SOHLH2: variants seen among roughly 807,000 people sequenced by gnomAD.
SOHLH2 encodes the protein spermatogenesis and oogenesis specific basic helix-loop-helix 2.
In SOHLH2, 22 loss-of-function variants were observed where a neutral mutation model predicts 50.4. The observed-to-expected ratio is 0.44, with a 90% CI of 0.31 to 0.62. SOHLH2 has a LOEUF of 0.62. SOHLH2 is among the 20% of genes least tolerant of loss of function. SOHLH2 has a pLI of 0.08. For synonymous variants in SOHLH2, 185 were observed against 187.3 expected (o/e 0.99, Z 0.10); for missense variants, 412 against 504.4 (o/e 0.82, Z 1.76).
At chr13:36,203,095 A>G (rs1001669495) in intron 1 of SOHLH2, among the ~76,000 whole-genome samples, 1 of 152,116 alleles carries the variant, frequency 6.6e-6, no homozygotes, top group Non-Finnish European at 1.5e-5. Context: ...AAAATAGTCA[A>G]CCTTCCTTTA....
intron 9 of SOHLH2, among the ~76,000 whole-genome samples, chr13:36,172,544 C>T (rs372079047): frequency 1.3e-5 from 2 of 152,202 alleles, no homozygotes; most frequent in Admixed American, 6.5e-5. Context: ...CCATGGCTTC[C>T]GCCACATCCC....
chr13:36,197,701 A>C (rs1291746700), intron 2 of SOHLH2, among the ~76,000 whole-genome samples: 1 of 152,168 alleles, frequency 6.6e-6, no homozygotes, highest in African/African-American at 2.4e-5. Flanking sequence ...ACTTGTAACA[A>C]ATAATGTTCT....
intron 1 of SOHLH2, among the ~76,000 whole-genome samples, chr13:36,205,209 G>A (rs182187413): frequency 7.2e-5 from 11 of 152,162 alleles, no homozygotes; most frequent in Admixed American, 3.9e-4. Context: ...CAATCCTACC[G>A]CCTTCAAAAA....
chr13:36,191,707 C>A, intron 5 of SOHLH2, 88 bp downstream of exon 5: 1 of 1,506,576 alleles, frequency 6.6e-7, no homozygotes, highest in Non-Finnish European at 9.1e-7. Context: ...TTAAGTACAG[C>A]AAATGCTGCA....
At chr13:36,171,315 T>C (rs1382697236) in intron 9 of SOHLH2, among the ~76,000 whole-genome samples, 2 of 152,172 alleles carry the variant, frequency 1.3e-5, no homozygotes, top group Non-Finnish European at 2.9e-5. Context: ...TCTGAAATGT[T>C]TGTGGAAAAA....
At chr13:36,178,805 A>G (rs1039134250) in intron 6 of SOHLH2, among the ~76,000 whole-genome samples, 2 of 150,142 alleles carry the variant, frequency 1.3e-5, no homozygotes, top group African/African-American at 4.9e-5. Flanking sequence ...TGAATGATCA[A>G]TGTACAGATC....
intron 2 of SOHLH2, among the ~76,000 whole-genome samples, chr13:36,197,412 T>A (rs2138309575): frequency 6.6e-6 from 1 of 152,202 alleles, no homozygotes; most frequent in South Asian, 2.1e-4. Context: ...AAAACAAAGA[T>A]CATATACAAG....
intron 2 of SOHLH2, among the ~76,000 whole-genome samples, chr13:36,198,571 C>T (rs1045429285): frequency 5.3e-5 from 8 of 152,220 alleles, no homozygotes; most frequent in Non-Finnish European, 7.4e-5. Flanking sequence ...CTATCAGGAA[C>T]GTTAACCTAT....
chr13:36,201,733 G>T, intron 2 of SOHLH2, 146 bp downstream of exon 2: 4 of 1,254,736 alleles, frequency 3.2e-6, no homozygotes, highest in Non-Finnish European at 4.3e-6. Context: ...GCCTCTCAAA[G>T]TGCCAGGATT....
chr13:36,202,129 T>C, intron 1 of SOHLH2, 36 bp from the exon 2 acceptor site: 1 of 1,610,264 alleles, frequency 6.2e-7, no homozygotes. Flanking sequence ...CACATAATTA[T>C]TGCCTAGGCA....
rs1886879738 is a variant in SOHLH2, at chr13:36,168,480, A to G, written c.*554T>C. 1 of 152,494 alleles carries G rather than the reference A, an allele frequency of 6.6e-6. No individual in the cohort carries two copies. Among genetic ancestry groups the G allele is most frequent in the Non-Finnish European group, 1.5e-5 (1 of 68,250 alleles). 9.4% of individuals were successfully genotyped at this position (152,494 alleles called of 1,614,324 possible). On this transcript the variant is annotated 3_prime_UTR_variant, in exon 11 of 11. Coordinates refer to ENST00000379881, the MANE Select transcript of SOHLH2 (RefSeq NM_017826.3). ...TTTATTCATTAGTTGTCAAGTGAGG[A>G]GGTAAACCCCTCTTTCAGCATCTCT... is the stretch of plus-strand genomic sequence containing the variant.
chr13:36,208,243 C>A (rs1488444456), intron 1 of SOHLH2, among the ~76,000 whole-genome samples: 1 of 152,090 alleles, frequency 6.6e-6, no homozygotes, highest in Non-Finnish European at 1.5e-5. Flanking sequence ...CTATGACATT[C>A]CATTGGTGAT....
intron 1 of SOHLH2, among the ~76,000 whole-genome samples, chr13:36,211,162 A>G (rs1014265943): frequency 1.3e-5 from 2 of 152,244 alleles, no homozygotes; most frequent in African/African-American, 4.8e-5. Context: ...TAATACGATC[A>G]GGGTGTATGG....
chr13:36,193,896 A>C, intron 2 of SOHLH2, 29 bp from the exon 3 acceptor site: 1 of 1,581,204 alleles, frequency 6.3e-7, no homozygotes, highest in Non-Finnish European at 8.6e-7. Flanking sequence ...TGTTAAAATG[A>C]AGCAAAATCA....
At chr13:36,208,711 A>G (rs1159180113) in intron 1 of SOHLH2, among the ~76,000 whole-genome samples, 1 of 152,060 alleles carries the variant, frequency 6.6e-6, no homozygotes, top group African/African-American at 2.4e-5. Context: ...TCTTTCTTGG[A>G]TTCATTTTAC....
At position 36,168,608 on chromosome 13, in the gene SOHLH2, C is replaced by A. The variant is rs1431463366; in HGVS notation, c.*426G>T. The stretch of plus-strand genomic sequence containing the variant: ...TGAGTGACAGTAATTCACAGGGATA[C>A]TAAAAATAAGAATCAAGTTGTAATA... On this transcript the variant is annotated 3_prime_UTR_variant, in exon 11 of 11. Coordinates refer to ENST00000379881, the MANE Select transcript of SOHLH2 (RefSeq NM_017826.3). 1 of 175,446 alleles carries A rather than the reference C, an allele frequency of 5.7e-6. No homozygotes were observed. The highest frequency in any genetic ancestry group is 1.2e-5 in the Non-Finnish European group (1 of 83,952). The allele number at this position is 175,446 out of a possible 1,614,324, so 10.9% of individuals were successfully genotyped here.
intron 2 of SOHLH2, among the ~76,000 whole-genome samples, chr13:36,194,905 C>T (rs908704266): frequency 1.3e-5 from 2 of 152,032 alleles, no homozygotes; most frequent in Non-Finnish European, 2.9e-5. Context: ...GTTAGTTTAT[C>T]TTACATATGC....
chr13:36,187,899 A>G (rs1887465667), intron 6 of SOHLH2, among the ~76,000 whole-genome samples: 2 of 152,100 alleles, frequency 1.3e-5, no homozygotes, highest in Admixed American at 1.3e-4. Context: ...CTCCCCTTGG[A>G]TCTGGGTAGA....
At chr13:36,199,552 G>T (rs1210875085) in intron 2 of SOHLH2, among the ~76,000 whole-genome samples, 1 of 152,196 alleles carries the variant, frequency 6.6e-6, no homozygotes, top group East Asian at 1.9e-4. Context: ...CAAATTATTT[G>T]TTTTCTTTCA....
Sources: allele counts gnomAD v4.1 joint callset (sites outside exome capture counted in the v4.1 genomes callset), GRCh38; gene constraint gnomAD v4.1.1; transcripts MANE v1.5; gene names NCBI Gene and HGNC (gene_info 2026-07-23, HGNC 2026-07-21).